AFF2: variants seen among roughly 807,000 people sequenced by gnomAD.
AFF2 encodes the protein AF4/FMR2 family member 2.
A neutral mutation model predicts 76.9 loss-of-function variants in AFF2; 14 were observed. The observed-to-expected ratio is 0.18, with a 90% CI of 0.12 to 0.28. The LOEUF (loss-of-function observed/expected upper bound fraction) is 0.28, where lower values mean the gene tolerates loss of function less well. AFF2 is among the 10% of genes least tolerant of loss of function. The probability of loss-of-function intolerance (pLI) is 1.00; values close to 1 mark genes in which losing one functional copy is unlikely to be tolerated. For synonymous variants in AFF2, 398 were observed against 366.7 expected, an observed-to-expected ratio of 1.09 and a Z score of -0.98; for missense variants, 868 against 1,001.1, an observed-to-expected ratio of 0.87 and a Z score of 1.79.
intron 1 of AFF2, among the ~76,000 whole-genome samples, chrX:148,560,369 T>C (rs2053097586): frequency 8.9e-6 from 1 of 111,910 alleles, no homozygotes; most frequent in Non-Finnish European, 1.9e-5. Context: ...TTACACCTTA[T>C]TCAAAAATTA....
In AFF2 at chrX:148,993,201, AACCCAG is replaced by A. The variant is rs2072553769; in HGVS notation, c.*1870_*1875del. 1 of 112,844 alleles carries A rather than the reference AACCCAG, an allele frequency of 8.9e-6. No individual in the cohort carries two copies. The highest frequency in any genetic ancestry group is 1.9e-5 in the Non-Finnish European group (1 of 53,339). The allele number at this position is 112,844 out of a possible 1,213,427, so 9.3% of individuals were successfully genotyped here. On this transcript the variant is annotated 3_prime_UTR_variant, in exon 21 of 21. Transcript: ENST00000370460. ...GCTGATGGGAGCATCCCTGCAGCTGAACCCAGCACTTTTTATGCTCCCACTGTGGTT... is the reference window on the plus strand; with the variant it reads ...GCTGATGGGAGCATCCCTGCAGCTGACACTTTTTATGCTCCCACTGTGGTT...
chrX:148,567,333 C>A (rs1445765236), intron 1 of AFF2, among the ~76,000 whole-genome samples: 1 of 111,266 alleles, frequency 9.0e-6, no homozygotes, highest in Non-Finnish European at 1.9e-5. Flanking sequence ...ATTTACTAGC[C>A]TTAGCAATTC....
chrX:148,919,183 C>T (rs2071564317), intron 9 of AFF2, among the ~76,000 whole-genome samples: 1 of 111,822 alleles, frequency 8.9e-6, no homozygotes, highest in Non-Finnish European at 1.9e-5. Flanking sequence ...AGATTCGGCA[C>T]TGACACAAAG....
chrX:148,871,849 G>A (rs976166620), intron 7 of AFF2, among the ~76,000 whole-genome samples: 3 of 111,550 alleles, frequency 2.7e-5, no homozygotes, highest in Admixed American at 1.9e-4. Context: ...CCTTGGTGAG[G>A]CTTCTGCTGG....
rs184374753 is a variant in AFF2 at position 148,821,684 on chromosome X, C to A, written c.1086+11764C>A. On this transcript the variant is annotated intron_variant, in intron 4 of 20. Transcript: ENST00000370460. ...ATCACAGATATTAATGAATTAATTTCTCTATCTGTCTTCTAGGTCCCCATA... is the reference window on the plus strand; with the variant it reads ...ATCACAGATATTAATGAATTAATTTATCTATCTGTCTTCTAGGTCCCCATA... Among the ~76,000 whole-genome samples the A allele has an allele frequency of 3.6e-5, 4 of 111,388 alleles. No homozygotes were observed. In the East Asian group the frequency reaches 1.1e-3, roughly 32 times the overall value.
At chrX:148,582,120 A>G (rs967141073) in intron 1 of AFF2, among the ~76,000 whole-genome samples, 1 of 111,469 alleles carries the variant, frequency 9.0e-6, no homozygotes, top group Non-Finnish European at 1.9e-5. Context: ...TTAGAGTCGT[A>G]TTATGTACTA....
intron 7 of AFF2, among the ~76,000 whole-genome samples, chrX:148,854,645 T>C (rs1360374090): frequency 9.0e-6 from 1 of 111,427 alleles, no homozygotes; most frequent in African/African-American, 3.3e-5. Context: ...AGTCACTGAT[T>C]TGCTTAGTGG....
intron 1 of AFF2, among the ~76,000 whole-genome samples, chrX:148,607,867 A>G (rs1202272381): frequency 8.9e-6 from 1 of 111,915 alleles, no homozygotes; most frequent in Non-Finnish European, 1.9e-5. Context: ...GGCCATTGCT[A>G]TCTCATCAGA....
At chrX:148,766,294 T>C (rs1165549143) in intron 3 of AFF2, among the ~76,000 whole-genome samples, 1 of 110,029 alleles carries the variant, frequency 9.1e-6, no homozygotes, top group Non-Finnish European at 1.9e-5. Flanking sequence ...ACTTCCACAA[T>C]GGTTGAACTA....
intron 1 of AFF2, among the ~76,000 whole-genome samples, chrX:148,509,161 G>C (rs1192867785): frequency 8.9e-6 from 1 of 111,885 alleles, no homozygotes; most frequent in Non-Finnish European, 1.9e-5. Context: ...AGTATAATTA[G>C]AATTAGGGAA....
intron 1 of AFF2, among the ~76,000 whole-genome samples, chrX:148,518,674 G>A (rs2052564072): frequency 8.9e-6 from 1 of 111,933 alleles, no homozygotes; most frequent in African/African-American, 3.3e-5. Context: ...AGGAATTCCA[G>A]CATTAGATAA....
At chrX:148,717,587 A>C (rs1557263484) in intron 3 of AFF2, among the ~76,000 whole-genome samples, 1 of 112,050 alleles carries the variant, frequency 8.9e-6, no homozygotes, top group East Asian at 2.8e-4. Flanking sequence ...CATTTAAAAA[A>C]ATGGAGCAGG....
chrX:148,570,147 C>T (rs1301819138), intron 1 of AFF2, among the ~76,000 whole-genome samples: 3 of 112,173 alleles, frequency 2.7e-5, no homozygotes, highest in African/African-American at 9.7e-5. Context: ...CAGTCATTGT[C>T]ATCATCATCA....
chrX:148,905,427 T>C (rs1233982587), intron 9 of AFF2, among the ~76,000 whole-genome samples: 1 of 112,335 alleles, frequency 8.9e-6, no homozygotes, highest in Non-Finnish European at 1.9e-5. Flanking sequence ...TGAAATCTTC[T>C]CTGCAGCCTG....
At chrX:148,889,762 A>C (rs2071201880) in intron 8 of AFF2, among the ~76,000 whole-genome samples, 1 of 111,565 alleles carries the variant, frequency 9.0e-6, no homozygotes, top group Non-Finnish European at 1.9e-5. Context: ...TTACACGGAC[A>C]TGGCTTTGAA....
chrX:148,727,018 G>A (rs1039624186), intron 3 of AFF2, among the ~76,000 whole-genome samples: 11 of 111,707 alleles, frequency 9.8e-5, no homozygotes, highest in African/African-American at 2.9e-4. Flanking sequence ...TCTGAAAGGC[G>A]GAAGCAATGC....
intron 7 of AFF2, among the ~76,000 whole-genome samples, chrX:148,871,215 G>A (rs2070970632): frequency 9.0e-6 from 1 of 111,458 alleles, no homozygotes; most frequent in South Asian, 3.8e-4. Flanking sequence ...CAGCTTAAGG[G>A]AGCCCCAACT....
intron 7 of AFF2, among the ~76,000 whole-genome samples, chrX:148,848,913 CA>C (rs1159512332): frequency 2.7e-5 from 3 of 111,643 alleles, no homozygotes; most frequent in Non-Finnish European, 5.6e-5. Flanking sequence ...TCCACTGCAT[CA>C]GGGGCAGCCA....
chrX:148,853,603 G>A (rs782423376), intron 7 of AFF2, among the ~76,000 whole-genome samples: 28 of 111,719 alleles, frequency 2.5e-4, no homozygotes, highest in African/African-American at 8.8e-4. Flanking sequence ...TAAGTGAGGC[G>A]TCCCAGCTCA....
Sources: allele counts gnomAD v4.1 joint callset (sites outside exome capture counted in the v4.1 genomes callset), GRCh38; gene constraint gnomAD v4.1.1; transcripts MANE v1.5; gene names NCBI Gene and HGNC (gene_info 2026-07-23, HGNC 2026-07-21).